Variants in STX8 observed in about 807,000 individuals in gnomAD.
STX8 encodes syntaxin 8.
A neutral mutation model predicts 37.5 loss-of-function variants in STX8; 23 were observed. That is an observed-to-expected ratio of 0.61 (90% confidence interval 0.44 to 0.87). The LOEUF is 0.87. Among genes scored for constraint, STX8 ranks in the 40% least tolerant of loss-of-function variants. The probability of loss-of-function intolerance (pLI) is 0.00; values close to 1 mark genes in which losing one functional copy is unlikely to be tolerated. For missense variants in STX8, 313 were observed against 284.7 expected, an observed-to-expected ratio of 1.10 and a Z score of -0.71; for synonymous variants, 115 against 99.1, an observed-to-expected ratio of 1.16 and a Z score of -0.95.
chr17:9,420,967 G>A (rs73973740), intron 6 of STX8, among the ~76,000 whole-genome samples: 71 of 152,188 alleles, frequency 4.7e-4, no homozygotes, highest in African/African-American at 1.6e-3. Flanking sequence ...GTTTCTCAGC[G>A]GGCTCTCTGA....
chr17:9,473,404 T>C (rs1190092393), intron 6 of STX8, among the ~76,000 whole-genome samples: 1 of 152,152 alleles, frequency 6.6e-6, no homozygotes, highest in Non-Finnish European at 1.5e-5. Context: ...AGTCATCCCT[T>C]GGTATCTTGC....
At chr17:9,342,099 T>C (rs573756829) in intron 7 of STX8, among the ~76,000 whole-genome samples, 9 of 152,126 alleles carry the variant, frequency 5.9e-5, no homozygotes, top group African/African-American at 2.2e-4. Context: ...TCATCTCAGA[T>C]CATCGGGCAT....
rs369237112 is a variant in STX8, at chr17:9,256,121, ATC to A, written c.644-5478_644-5477del. Among the ~76,000 whole-genome samples the A allele has an allele frequency of 4.7e-3, 723 of 152,328 alleles. 4 individuals are homozygous for A. The highest frequency in any genetic ancestry group is 0.016 in the African/African-American group (663 of 41,560). On this transcript the variant is annotated intron_variant, in intron 7 of 7. Transcript: ENST00000306357. ...TAATTCTGCACAGTAAGTAACCCTC[ATC>A]TCTGTTTTATATCTGAGGAAGCTGG...
chr17:9,383,024 T>C (rs1911873626), intron 6 of STX8, among the ~76,000 whole-genome samples: 1 of 152,200 alleles, frequency 6.6e-6, no homozygotes, highest in African/African-American at 2.4e-5. Context: ...ATGAGATTTA[T>C]GACCTTATAA....
At chr17:9,506,598 A>G (rs2315048) in intron 4 of STX8, among the ~76,000 whole-genome samples, 149,893 of 152,178 alleles carry the variant, frequency 0.98, 73,862 homozygotes, top group East Asian at 1. Flanking sequence ...ACCAGGACTG[A>G]GGAGGCCTGG....
intron 7 of STX8, among the ~76,000 whole-genome samples, chr17:9,351,706 T>TA (rs2142246172): frequency 6.6e-6 from 1 of 152,266 alleles, no homozygotes; most frequent in South Asian, 2.1e-4. Context: ...TAATCTACAA[T>TA]TCTTCTATCC....
At chr17:9,377,096 C>A (rs1046912762) in intron 7 of STX8, among the ~76,000 whole-genome samples, 1 of 151,990 alleles carries the variant, frequency 6.6e-6, no homozygotes, top group Non-Finnish European at 1.5e-5. Context: ...CCTCTCTCAC[C>A]CCATTGTTCT....
At chr17:9,294,903 G>C (rs1194292915) in intron 7 of STX8, among the ~76,000 whole-genome samples, 2 of 152,212 alleles carry the variant, frequency 1.3e-5, no homozygotes, top group Non-Finnish European at 2.9e-5. Context: ...TGCATACTCT[G>C]AGCATGCACA....
chr17:9,544,489 C>T (rs79847118), intron 4 of STX8, among the ~76,000 whole-genome samples: 1,689 of 151,886 alleles, frequency 0.011, 35 homozygotes, highest in African/African-American at 0.038. Context: ...GACTCATGTT[C>T]TCAATATGCC....
At chr17:9,330,956 T>C (rs1340613159) in intron 7 of STX8, among the ~76,000 whole-genome samples, 1 of 152,234 alleles carries the variant, frequency 6.6e-6, no homozygotes, top group Non-Finnish European at 1.5e-5. Flanking sequence ...AGCAATTTTT[T>C]CTCTTTTTAA....
chr17:9,426,303 G>C (rs982528408), intron 6 of STX8, among the ~76,000 whole-genome samples: 5 of 152,076 alleles, frequency 3.3e-5, no homozygotes, highest in African/African-American at 4.8e-5. Flanking sequence ...AAGGTGGGTG[G>C]ATCACCTGAG....
rs143424798 is a variant in STX8, at chr17:9,268,631, A to G, written c.644-17986T>C. 3.8e-3 allele frequency among the ~76,000 whole-genome samples: 586 copies of G among 152,292 alleles called. 3 individuals are homozygous for G. Among genetic ancestry groups the G allele is most frequent in the African/African-American group, 0.013 (552 of 41,556 alleles). ...CCTAAAAGTGGTCCTTCACATAGGG[A>G]GGCTGCCATTTTCGGAGTTGGCTGT... On this transcript the variant is annotated intron_variant, in intron 7 of 7. Transcript: ENST00000306357.
In STX8 at chr17:9,411,368, CTT is replaced by C. The variant is rs745391339; in HGVS notation, c.542-32717_542-32716del. 1.3e-4 allele frequency among the ~76,000 whole-genome samples: 20 copies of C among 152,306 alleles called. No homozygotes were observed. The East Asian group carries it at 3.7e-3, about 28-fold the overall frequency. On this transcript the variant is annotated intron_variant, in intron 6 of 7. Coordinates refer to ENST00000306357, the MANE Select transcript of STX8 (RefSeq NM_004853.3). ...CTTTCCCAAGCACCTTGCAAAGTGT[CTT>C]ATTTTTCATACTGTGCTTAGATCTG... is the stretch of plus-strand genomic sequence containing the variant.
chr17:9,383,981 C>G (rs992235542), intron 6 of STX8, among the ~76,000 whole-genome samples: 3 of 152,142 alleles, frequency 2.0e-5, no homozygotes, highest in Non-Finnish European at 2.9e-5. Context: ...AAAAGGAGAA[C>G]TGGCCTGACC....
intron 7 of STX8, among the ~76,000 whole-genome samples, chr17:9,292,715 G>C (rs999793053): frequency 1.3e-5 from 2 of 152,112 alleles, no homozygotes; most frequent in African/African-American, 4.8e-5. Flanking sequence ...GGCTTACTAG[G>C]GCTTGCAGAA....
intron 5 of STX8, among the ~76,000 whole-genome samples, chr17:9,494,074 G>A (rs1222727954): frequency 6.6e-6 from 1 of 151,302 alleles, no homozygotes; most frequent in Non-Finnish European, 1.5e-5. Flanking sequence ...GGAGTGCAGT[G>A]GCGCGATCTC....
chr17:9,360,545 A>C (rs928949276), intron 7 of STX8, among the ~76,000 whole-genome samples: 1 of 151,660 alleles, frequency 6.6e-6, no homozygotes, highest in Non-Finnish European at 1.5e-5. Context: ...ATATTTACTC[A>C]CTTTCAAAAG....
At chr17:9,434,344 G>C (rs12452001) in intron 6 of STX8, among the ~76,000 whole-genome samples, 27,523 of 152,198 alleles carry the variant, frequency 0.18, 3,012 homozygotes, top group Middle Eastern at 0.28. Flanking sequence ...TCCTCAATGT[G>C]ACAAGAAGCC....
At chr17:9,380,714 T>A (rs1487252499) in intron 6 of STX8, among the ~76,000 whole-genome samples, 1 of 145,664 alleles carries the variant, frequency 6.9e-6, no homozygotes. Flanking sequence ...AGAAACTTTT[T>A]TTTTTTTTTT....
Sources: gnomAD v4.1 joint callset for allele counts (sites outside exome capture counted in the v4.1 genomes callset) on GRCh38, gnomAD v4.1.1 for gene constraint, MANE v1.5 for transcripts, NCBI Gene and HGNC (gene_info 2026-07-23, HGNC 2026-07-21) for gene names.